Variants in BACE2 observed in about 807,000 individuals in gnomAD.
BACE2 encodes beta-secretase 2, also known as 56 kDa aspartic-like protease.
In BACE2, 17 loss-of-function variants were observed where a neutral mutation model predicts 46.2. The observed-to-expected ratio is 0.37, with a 90% CI of 0.25 to 0.55. The LOEUF is 0.55. Ranked by LOEUF, BACE2 falls within the 20% of genes least tolerant of loss-of-function variation. BACE2 has a pLI of 0.82. For missense variants in BACE2, 595 were observed against 698.1 expected (o/e 0.85, Z 1.66); for synonymous variants, 277 against 295.9 (o/e 0.94, Z 0.66).
chr21:41,251,311 T>C (rs2123618476), intron 7 of BACE2, among the ~76,000 whole-genome samples: 1 of 152,242 alleles, frequency 6.6e-6, no homozygotes, highest in East Asian at 1.9e-4. Flanking sequence ...CTAGCCACTA[T>C]CTCTTCCATG....
At chr21:41,195,084 A>G (rs771383358) in intron 1 of BACE2, among the ~76,000 whole-genome samples, 2 of 152,266 alleles carry the variant, frequency 1.3e-5, no homozygotes, top group Non-Finnish European at 2.9e-5. Flanking sequence ...CTGTGGGCCA[A>G]ATCTGGCCAG....
chr21:41,254,187 A>C (rs73368318), intron 7 of BACE2, among the ~76,000 whole-genome samples: 3,291 of 152,284 alleles, frequency 0.022, 138 homozygotes, highest in African/African-American at 0.075. Context: ...TATACCCAAC[A>C]CTATTTTCCA....
intron 1 of BACE2, among the ~76,000 whole-genome samples, chr21:41,219,756 C>CT (rs1478091823): frequency 6.6e-6 from 1 of 152,232 alleles, no homozygotes; most frequent in East Asian, 1.9e-4. Context: ...TTGGTGTCCT[C>CT]TAAGTGGAAA....
At chr21:41,214,643 G>A (rs1986400855) in intron 1 of BACE2, among the ~76,000 whole-genome samples, 1 of 152,250 alleles carries the variant, frequency 6.6e-6, no homozygotes, top group African/African-American at 2.4e-5. Context: ...TGCCTGGAAT[G>A]TGCATTTCTG....
At chr21:41,263,423 A>G (rs1426258461) in intron 8 of BACE2, among the ~76,000 whole-genome samples, 1 of 152,246 alleles carries the variant, frequency 6.6e-6, no homozygotes, top group Non-Finnish European at 1.5e-5. Context: ...TTATCAAAAT[A>G]GAAACATCCC....
At chr21:41,239,134 A>G (rs1389807143) in intron 3 of BACE2, among the ~76,000 whole-genome samples, 1 of 150,172 alleles carries the variant, frequency 6.7e-6, no homozygotes, top group African/African-American at 2.5e-5. Flanking sequence ...CATGAGGATA[A>G]TCTTCCCATC....
intron 2 of BACE2, among the ~76,000 whole-genome samples, chr21:41,226,726 T>C (rs1986829951): frequency 6.6e-6 from 1 of 151,982 alleles, no homozygotes; most frequent in South Asian, 2.1e-4. Context: ...GTCTTGGGAG[T>C]CTGTGAGGCC....
At chr21:41,242,049 G>T (rs577658928) in intron 4 of BACE2, 102 bp downstream of exon 4, 4 of 1,478,238 alleles carry the variant, frequency 2.7e-6, no homozygotes, top group Non-Finnish European at 3.7e-6. Flanking sequence ...GCATGTAGGT[G>T]TGCGTAGGTA....
At chr21:41,200,457 G>C (rs1056690852) in intron 1 of BACE2, among the ~76,000 whole-genome samples, 1 of 152,180 alleles carries the variant, frequency 6.6e-6, no homozygotes, top group Non-Finnish European at 1.5e-5. Flanking sequence ...TGTTACTATG[G>C]ATGTCGGATT....
intron 1 of BACE2, among the ~76,000 whole-genome samples, chr21:41,172,719 C>T (rs1984649577): frequency 6.6e-6 from 1 of 152,228 alleles, no homozygotes; most frequent in Non-Finnish European, 1.5e-5. Flanking sequence ...TAGTGTCACA[C>T]CTGTGACCAG....
intron 1 of BACE2, among the ~76,000 whole-genome samples, chr21:41,210,009 C>G (rs556726460): frequency 6.6e-6 from 1 of 151,944 alleles, no homozygotes; most frequent in East Asian, 1.9e-4. Flanking sequence ...TTCCCCCTAA[C>G]CAACCTATCA....
chr21:41,277,676 G>T lies in BACE2; in HGVS notation c.*2052G>T, dbSNP rs897165172. On this transcript the variant is annotated 3_prime_UTR_variant, in exon 9 of 9. Transcript: ENST00000330333. The stretch of plus-strand genomic sequence containing the variant: ...GTTTTCCTGCTTATTTCTTCATACA[G>T]GCATCTTCTGTTCCGTTGTATTGTG... 6.6e-6 allele frequency: 1 copy of T among 152,188 alleles called. No individual in the cohort carries two copies. The highest frequency in any genetic ancestry group is 2.4e-5 in the African/African-American group (1 of 41,444). The allele number at this position is 152,188 out of a possible 1,614,324, so 9.4% of individuals were successfully genotyped here.
intron 7 of BACE2, 68 bp downstream of exon 7, chr21:41,250,969 G>T: frequency 7.0e-7 from 1 of 1,430,970 alleles, no homozygotes; most frequent in South Asian, 1.2e-5. Context: ...TGCATGACAC[G>T]TGTATTAGAT....
At chr21:41,175,449 A>C (rs1005211385) in intron 1 of BACE2, 6 of 152,106 alleles carry the variant, frequency 3.9e-5, no homozygotes, top group Non-Finnish European at 7.3e-5. Flanking sequence ...GAGAATTTAC[A>C]CCTGGCCTGC....
intron 2 of BACE2, among the ~76,000 whole-genome samples, chr21:41,234,291 C>A (rs952855077): frequency 7.2e-5 from 11 of 152,176 alleles, no homozygotes; most frequent in African/African-American, 2.7e-4. Context: ...CATTAAACTT[C>A]TTTCTCTTTA....
chr21:41,248,554 G>A (rs1185180438), intron 6 of BACE2, among the ~76,000 whole-genome samples: 1 of 152,286 alleles, frequency 6.6e-6, no homozygotes, highest in South Asian at 2.1e-4. Context: ...GTCTGAGAAG[G>A]GGCTCTCCCT....
At chr21:41,240,040 A>G (rs1987244026) in intron 3 of BACE2, among the ~76,000 whole-genome samples, 1 of 152,232 alleles carries the variant, frequency 6.6e-6, no homozygotes, top group Non-Finnish European at 1.5e-5. Context: ...TTATCTTTTC[A>G]TTTATGAAAT....
At chr21:41,272,612 T>C (rs951128377) in intron 8 of BACE2, among the ~76,000 whole-genome samples, 1 of 152,202 alleles carries the variant, frequency 6.6e-6, no homozygotes, top group Non-Finnish European at 1.5e-5. Context: ...TCACATATTA[T>C]AATTTTTATC....
chr21:41,192,079 G>A (rs1019334823), intron 1 of BACE2, among the ~76,000 whole-genome samples: 10 of 152,208 alleles, frequency 6.6e-5, no homozygotes, highest in South Asian at 6.2e-4. Context: ...TGCACTGCTC[G>A]AAGTTCTGCC....
Sources: gnomAD v4.1 joint callset for allele counts (sites outside exome capture counted in the v4.1 genomes callset) on GRCh38, gnomAD v4.1.1 for gene constraint, MANE v1.5 for transcripts, NCBI Gene and HGNC (gene_info 2026-07-23, HGNC 2026-07-21) for gene names.